Variants in CDH12 observed in about 807,000 individuals in gnomAD.
CDH12 encodes cadherin 12, also known as cadherin-12.
In CDH12, 41 loss-of-function variants were observed where a neutral mutation model predicts 74.1. That is an observed-to-expected ratio of 0.55 (90% CI 0.43 to 0.72). CDH12 has a LOEUF of 0.72. Ranked by LOEUF, CDH12 falls within the 30% of genes least tolerant of loss-of-function variation. CDH12 has a pLI of 0.00. For synonymous variants in CDH12, 399 were observed against 355.0 expected, an observed-to-expected ratio of 1.12 and a Z score of -1.39; for missense variants, 945 against 977.2, an observed-to-expected ratio of 0.97 and a Z score of 0.44.
intron 1 of CDH12, among the ~76,000 whole-genome samples, chr5:22,720,690 G>A (rs1450358330): frequency 6.6e-6 from 1 of 152,180 alleles, no homozygotes; most frequent in African/African-American, 2.4e-5. Flanking sequence ...GCTTCCTAGA[G>A]ACTTGTTGAA....
At chr5:22,361,016 G>C (rs996284565) in intron 3 of CDH12, among the ~76,000 whole-genome samples, 1 of 152,112 alleles carries the variant, frequency 6.6e-6, no homozygotes, top group Non-Finnish European at 1.5e-5. Context: ...TTAAAAACTG[G>C]CAAAAGACAG....
chr5:21,761,930 C>T (rs938296478), intron 12 of CDH12, among the ~76,000 whole-genome samples: 2 of 151,964 alleles, frequency 1.3e-5, no homozygotes, highest in African/African-American at 4.8e-5. Context: ...TAAAATTGTC[C>T]TGGAGAGAAT....
At position 22,281,178 on chromosome 5, in the gene CDH12, T is replaced by A. The variant is rs188186730; in HGVS notation, c.-332-68535A>T. On this transcript the variant is annotated intron_variant, in intron 3 of 14. Transcript: ENST00000382254. ...GCCTTTGGCAAAATTAAACAGCCCT[T>A]CATGCTAAAAACTCTCAATAAATTA... is the stretch of plus-strand genomic sequence containing the variant. Among the ~76,000 whole-genome samples the A allele has an allele frequency of 2.7e-3, 418 of 152,278 alleles. 2 individuals carry two copies. The highest frequency in any genetic ancestry group is 4.6e-3 in the Admixed American group (70 of 15,290).
At chr5:22,668,135 CTAATT>C (rs1740713766) in intron 1 of CDH12, among the ~76,000 whole-genome samples, 1 of 152,082 alleles carries the variant, frequency 6.6e-6, no homozygotes, top group Non-Finnish European at 1.5e-5. Flanking sequence ...CTTAGTCTTT[CTAATT>C]TATTTTATTA....
At chr5:22,416,176 G>A (rs996927678) in intron 2 of CDH12, among the ~76,000 whole-genome samples, 3 of 134,846 alleles carry the variant, frequency 2.2e-5, no homozygotes, top group South Asian at 4.9e-4. Context: ...CCAGGTTCAC[G>A]CCATTCTCCT....
At position 22,452,894 on chromosome 5, in the gene CDH12, A is replaced by AT. The variant is rs1287327735; in HGVS notation, c.-427-47544_-427-47543insA. Among the ~76,000 whole-genome samples the AT allele has an allele frequency of 2.3e-3, 345 of 147,722 alleles. 3 individuals carry two copies. Among genetic ancestry groups the AT allele is most frequent in the Middle Eastern group, 0.014 (4 of 280 alleles). Reference sequence around the variant, plus strand: ...CAACCTAAGAGCAAAAAAAAAAAAAAAAAAAAAAAATGAGTTAAAAGTGGA... The same window carrying AT: ...CAACCTAAGAGCAAAAAAAAAAAAAATAAAAAAAAAATGAGTTAAAAGTGGA... On this transcript the variant is annotated intron_variant, in intron 2 of 14. Coordinates refer to ENST00000382254, the MANE Select transcript of CDH12 (RefSeq NM_004061.5).
At chr5:22,176,651 T>C (rs925623898) in intron 4 of CDH12, among the ~76,000 whole-genome samples, 1 of 152,132 alleles carries the variant, frequency 6.6e-6, no homozygotes, top group Non-Finnish European at 1.5e-5. Context: ...CAAGCTACTG[T>C]CACTTTCTGC....
chr5:22,037,630 C>T (rs922916297), intron 5 of CDH12, among the ~76,000 whole-genome samples: 17 of 152,128 alleles, frequency 1.1e-4, no homozygotes, highest in African/African-American at 4.1e-4. Context: ...TAATTTTTTA[C>T]AGCAGCTATA....
intron 12 of CDH12, among the ~76,000 whole-genome samples, chr5:21,761,432 C>T (rs1370510629): frequency 1.3e-5 from 2 of 152,020 alleles, no homozygotes; most frequent in East Asian, 1.9e-4. Context: ...ATTAACATAT[C>T]CAATGGCTGT....
At chr5:22,315,332 C>A (rs1478631747) in intron 3 of CDH12, among the ~76,000 whole-genome samples, 8 of 151,564 alleles carry the variant, frequency 5.3e-5, no homozygotes, top group African/African-American at 1.9e-4. Flanking sequence ...ACAACAACAG[C>A]AAAAACCCTG....
chr5:22,424,048 G>GA (rs1208254020), intron 2 of CDH12, among the ~76,000 whole-genome samples: 161 of 104,838 alleles, frequency 1.5e-3, no homozygotes, highest in Middle Eastern at 9.7e-3. Context: ...GAAAAAGAAA[G>GA]AAAAAAAAAA....
intron 1 of CDH12, among the ~76,000 whole-genome samples, chr5:22,842,674 T>G (rs2126525569): frequency 6.6e-6 from 1 of 152,242 alleles, no homozygotes; most frequent in African/African-American, 2.4e-5. Context: ...ATAGTAAAAT[T>G]TAAAATGTTA....
chr5:21,951,511 G>C (rs1364159233), intron 6 of CDH12, among the ~76,000 whole-genome samples: 4 of 152,194 alleles, frequency 2.6e-5, no homozygotes, highest in African/African-American at 9.7e-5. Flanking sequence ...GCCTCCCAAA[G>C]TGCTGGGATT....
chr5:22,157,592 A>AG (rs1748100377), intron 4 of CDH12, among the ~76,000 whole-genome samples: 1 of 151,886 alleles, frequency 6.6e-6, no homozygotes, highest in African/African-American at 2.4e-5. Flanking sequence ...AATCTGAAAA[A>AG]AAAATTCCCC....
chr5:22,249,908 G>A (rs1246913800), intron 3 of CDH12, among the ~76,000 whole-genome samples: 2 of 152,036 alleles, frequency 1.3e-5, no homozygotes, highest in Non-Finnish European at 2.9e-5. Context: ...AACATTTGAT[G>A]TAAAGGTACA....
chr5:22,270,067 T>A (rs1328458421), intron 3 of CDH12, among the ~76,000 whole-genome samples: 2 of 152,170 alleles, frequency 1.3e-5, no homozygotes, highest in African/African-American at 2.4e-5. Flanking sequence ...AGACATCTTG[T>A]AAATTAAAGC....
chr5:22,027,068 T>A (rs1399192335), intron 5 of CDH12, among the ~76,000 whole-genome samples: 5 of 152,212 alleles, frequency 3.3e-5, no homozygotes, highest in Admixed American at 3.3e-4. Flanking sequence ...TCTATTGAGA[T>A]AATCATGTGG....
intron 6 of CDH12, among the ~76,000 whole-genome samples, chr5:21,895,003 G>A (rs922869895): frequency 3.3e-5 from 4 of 121,826 alleles, no homozygotes; most frequent in Non-Finnish European, 1.7e-5. Context: ...CAACTAATAC[G>A]TAGCAAATAA....
At chr5:21,767,805 G>A (rs984519722) in intron 11 of CDH12, among the ~76,000 whole-genome samples, 1 of 151,524 alleles carries the variant, frequency 6.6e-6, no homozygotes, top group Admixed American at 6.6e-5. Flanking sequence ...ATATTTTTAA[G>A]TGGCCATTTA....
Sources: allele counts gnomAD v4.1 joint callset (sites outside exome capture counted in the v4.1 genomes callset), GRCh38; gene constraint gnomAD v4.1.1; transcripts MANE v1.5; gene names NCBI Gene and HGNC (gene_info 2026-07-23, HGNC 2026-07-21).